Variants in RBMS3 observed in about 807,000 individuals in gnomAD.
RBMS3 encodes RNA binding motif single stranded interacting protein 3.
Under a neutral mutation model 66.8 loss-of-function variants are expected in RBMS3, and 27 were observed. The observed-to-expected ratio is 0.40, with a 90% CI of 0.30 to 0.56. The LOEUF is 0.56. RBMS3 is among the 20% of genes least tolerant of loss of function. The pLI is 0.40. For synonymous variants in RBMS3, 188 were observed against 183.0 expected (o/e 1.03, Z -0.22); for missense variants, 513 against 549.5 (o/e 0.93, Z 0.66).
At chr3:29,976,869 G>A (rs1355035937) in intron 12 of RBMS3, among the ~76,000 whole-genome samples, 2 of 148,848 alleles carry the variant, frequency 1.3e-5, no homozygotes, top group Non-Finnish European at 2.9e-5. Context: ...TCTGCTTGAG[G>A]TAATACCGCT....
chr3:29,878,447 A>G (rs923879877), intron 7 of RBMS3, among the ~76,000 whole-genome samples: 4 of 152,146 alleles, frequency 2.6e-5, no homozygotes, highest in African/African-American at 9.7e-5. Flanking sequence ...TTCCACTACT[A>G]GAAACACTAT....
intron 6 of RBMS3, among the ~76,000 whole-genome samples, chr3:29,851,273 A>G (rs895225252): frequency 1.3e-5 from 2 of 152,190 alleles, no homozygotes; most frequent in African/African-American, 4.8e-5. Flanking sequence ...TAAGTGCTCA[A>G]TAGTTGTGAA....
At chr3:29,906,176 G>C (rs909327067) in intron 10 of RBMS3, among the ~76,000 whole-genome samples, 1 of 151,910 alleles carries the variant, frequency 6.6e-6, no homozygotes, top group Non-Finnish European at 1.5e-5. Context: ...TGTTTTCCTG[G>C]CATCTTAGTA....
chr3:29,430,079 C>G (rs752653212), intron 1 of RBMS3, among the ~76,000 whole-genome samples: 1 of 152,016 alleles, frequency 6.6e-6, no homozygotes, highest in African/African-American at 2.4e-5. Context: ...ATTCCGGGAA[C>G]TTTCTGCCAA....
chr3:29,628,312 T>A (rs2049146095), intron 4 of RBMS3, among the ~76,000 whole-genome samples: 1 of 152,164 alleles, frequency 6.6e-6, no homozygotes, highest in Admixed American at 6.6e-5. Flanking sequence ...TTGAAACATT[T>A]CCCTGCTAGA....
At chr3:29,566,011 C>A (rs1445703829) in intron 3 of RBMS3, among the ~76,000 whole-genome samples, 1 of 152,024 alleles carries the variant, frequency 6.6e-6, no homozygotes, top group Non-Finnish European at 1.5e-5. Flanking sequence ...ATTATAATGC[C>A]TGAAGTTATA....
chr3:29,991,431 TTATC>T (rs1698867580), intron 14 of RBMS3: 6 of 607,148 alleles, frequency 9.9e-6, no homozygotes, highest in Non-Finnish European at 5.4e-6. Flanking sequence ...CAGCTGCTGA[TTATC>T]TATGCATCTC....
chr3:29,387,307 T>C (rs1430894496), intron 1 of RBMS3, among the ~76,000 whole-genome samples: 1 of 152,228 alleles, frequency 6.6e-6, no homozygotes, highest in Non-Finnish European at 1.5e-5. Context: ...AAGTCATTAT[T>C]TTCCCCAAAC....
chr3:29,308,146 T>A (rs796270803), intron 1 of RBMS3, among the ~76,000 whole-genome samples: 21 of 152,018 alleles, frequency 1.4e-4, no homozygotes, highest in African/African-American at 5.1e-4. Context: ...TTGTCAGCAG[T>A]ATGTTTTGCA....
intron 4 of RBMS3, among the ~76,000 whole-genome samples, chr3:29,621,938 T>C (rs768594492): frequency 6.6e-6 from 1 of 152,180 alleles, no homozygotes; most frequent in Non-Finnish European, 1.5e-5. Context: ...AATCTACATA[T>C]ACTTGTGGAA....
intron 1 of RBMS3, among the ~76,000 whole-genome samples, chr3:29,371,329 G>A (rs181394275): frequency 6.6e-6 from 1 of 152,322 alleles, no homozygotes; most frequent in East Asian, 1.9e-4. Flanking sequence ...ACAGACATTT[G>A]ATTGGTTTTG....
At chr3:29,751,230 A>G (rs748593155) in intron 5 of RBMS3, among the ~76,000 whole-genome samples, 2 of 152,178 alleles carry the variant, frequency 1.3e-5, no homozygotes, top group Non-Finnish European at 2.9e-5. Flanking sequence ...TTCTAAGGAG[A>G]AAACCAAGTT....
At chr3:29,606,095 T>C (rs2048313013) in intron 4 of RBMS3, among the ~76,000 whole-genome samples, 2 of 151,658 alleles carry the variant, frequency 1.3e-5, no homozygotes, top group Admixed American at 1.3e-4. Context: ...TGCTGAATCA[T>C]ACTCCAGTAC....
In RBMS3 at chr3:29,281,249, G is replaced by T; in HGVS notation, c.-433G>T. 6.5e-6 allele frequency: 1 copy of T among 154,120 alleles called. No homozygotes were observed. Among genetic ancestry groups the T allele is most frequent in the African/African-American group, 2.5e-5 (1 of 39,856 alleles). 9.5% of individuals were successfully genotyped at this position (154,120 alleles called of 1,614,324 possible). On this transcript the variant is annotated 5_prime_UTR_variant, in exon 1 of 15. Coordinates refer to ENST00000383767, the MANE Select transcript of RBMS3 (RefSeq NM_001003793.3). ...TTTCTTTTTCTTTAAGGTGGGGAAA[G>T]AGACAACCAAGAGACAGGAAGCTGA...
chr3:29,674,427 G>T, intron 4 of RBMS3, among the ~76,000 whole-genome samples: 1 of 151,998 alleles, frequency 6.6e-6, no homozygotes, highest in Admixed American at 6.6e-5. Context: ...GAGAAAGAAA[G>T]AAAGGGTATT....
chr3:29,312,973 C>G (rs1374989167), intron 1 of RBMS3, among the ~76,000 whole-genome samples: 1 of 151,712 alleles, frequency 6.6e-6, no homozygotes, highest in African/African-American at 2.4e-5. Flanking sequence ...CATTTCAGGA[C>G]AGAGGCATGG....
chr3:29,438,028 T>TTCTCTC (rs34431369), intron 2 of RBMS3, among the ~76,000 whole-genome samples: 1,813 of 142,542 alleles, frequency 0.013, 27 homozygotes, highest in East Asian at 0.052. Context: ...CCTTGCTTGT[T>TTCTCTC]TCTCTCTCTC....
At chr3:29,454,468 T>TA in intron 2 of RBMS3, among the ~76,000 whole-genome samples, 1 of 152,260 alleles carries the variant, frequency 6.6e-6, no homozygotes, top group East Asian at 1.9e-4. Context: ...AGTTGAAGTA[T>TA]ACTACAATGG....
At chr3:29,805,690 A>G (rs2057524590) in intron 6 of RBMS3, among the ~76,000 whole-genome samples, 1 of 152,106 alleles carries the variant, frequency 6.6e-6, no homozygotes, top group Admixed American at 6.6e-5. Context: ...GAATAAGGAT[A>G]TTAAGAAAAT....
Sources: allele counts gnomAD v4.1 joint callset (sites outside exome capture counted in the v4.1 genomes callset), GRCh38; gene constraint gnomAD v4.1.1; transcripts MANE v1.5; gene names NCBI Gene and HGNC (gene_info 2026-07-23, HGNC 2026-07-21).